The following TOX variants were observed in gnomAD, a reference collection of about 807,000 sequenced individuals.
The protein encoded by TOX is thymocyte selection-associated high mobility group box protein TOX.
Under a neutral mutation model 53.7 loss-of-function variants are expected in TOX, and 11 were observed. The ratio of observed to expected loss-of-function variants is 0.20; its 90% CI spans 0.13 to 0.34. TOX has a LOEUF of 0.34. Among genes scored for constraint, TOX ranks in the 10% least tolerant of loss-of-function variants. The pLI, the probability that TOX is intolerant of heterozygous loss-of-function variation, is 1.00. For missense variants in TOX, 570 were observed against 664.6 expected (o/e 0.86, Z 1.56); for synonymous variants, 225 against 245.3 (o/e 0.92, Z 0.77).
At chr8:59,014,365 T>C (rs1813970133) in intron 1 of TOX, among the ~76,000 whole-genome samples, 1 of 152,384 alleles carries the variant, frequency 6.6e-6, no homozygotes, top group South Asian at 2.1e-4. Context: ...CCAAATTCTC[T>C]TTATCTCTCA....
chr8:58,859,149 GTACTTTAAATAAACTTTA>G (rs1283158533), intron 3 of TOX, among the ~76,000 whole-genome samples: 1 of 152,018 alleles, frequency 6.6e-6, no homozygotes, highest in Admixed American at 6.5e-5. Context: ...GTAGAAATGT[GTACTTTAAATAAACTTTA>G]TTTTAAGATT....
At chr8:59,069,663 C>A (rs994898643) in intron 1 of TOX, among the ~76,000 whole-genome samples, 2 of 152,004 alleles carry the variant, frequency 1.3e-5, no homozygotes, top group Non-Finnish European at 2.9e-5. Context: ...TCAGAGATAG[C>A]GCCAAAATTT....
intron 1 of TOX, among the ~76,000 whole-genome samples, chr8:59,011,183 C>T (rs374972132): frequency 3.3e-5 from 5 of 152,200 alleles, no homozygotes; most frequent in African/African-American, 1.2e-4. Flanking sequence ...AGTAACTGGA[C>T]ATTGTTTAAC....
intron 5 of TOX, among the ~76,000 whole-genome samples, chr8:58,830,652 T>G (rs1466620540): frequency 6.6e-6 from 1 of 152,176 alleles, no homozygotes; most frequent in Admixed American, 6.6e-5. Context: ...ACCATTTAAT[T>G]CCTTCTTCCT....
intron 6 of TOX, among the ~76,000 whole-genome samples, chr8:58,822,420 C>T (rs16924032): frequency 0.044 from 6,625 of 152,292 alleles, 473 homozygotes; most frequent in African/African-American, 0.15. Flanking sequence ...TGGAGTCTGA[C>T]CAGCACTGTG....
chr8:59,111,798 C>A (rs1343082493), intron 1 of TOX, among the ~76,000 whole-genome samples: 1 of 152,170 alleles, frequency 6.6e-6, no homozygotes, highest in African/African-American at 2.4e-5. Flanking sequence ...TATCAACCAA[C>A]CATGGCCTCC....
intron 1 of TOX, among the ~76,000 whole-genome samples, chr8:58,997,977 A>G (rs927680828): frequency 6.6e-5 from 10 of 151,992 alleles, no homozygotes; most frequent in Non-Finnish European, 1.2e-4. Context: ...TATTTTTAGT[A>G]GAGACGGGTT....
intron 1 of TOX, among the ~76,000 whole-genome samples, chr8:59,039,551 T>C (rs1412976044): frequency 1.3e-5 from 2 of 152,184 alleles, no homozygotes; most frequent in Non-Finnish European, 1.5e-5. Flanking sequence ...TCCCAGCTGA[T>C]TTTCATGAAT....
At chr8:58,826,181 C>T (rs1006675713) in intron 6 of TOX, among the ~76,000 whole-genome samples, 2 of 152,184 alleles carry the variant, frequency 1.3e-5, no homozygotes, top group Non-Finnish European at 2.9e-5. Flanking sequence ...AACGCAGTAA[C>T]AGCCAATTTG....
chr8:59,062,254 G>T (rs1013351773), intron 1 of TOX, among the ~76,000 whole-genome samples: 1 of 152,142 alleles, frequency 6.6e-6, no homozygotes, highest in African/African-American at 2.4e-5. Flanking sequence ...TCCTAACTCC[G>T]CAGAGGCTGA....
chr8:58,980,581 T>A (rs557741163), intron 1 of TOX, among the ~76,000 whole-genome samples: 1 of 152,312 alleles, frequency 6.6e-6, no homozygotes, highest in East Asian at 1.9e-4. Flanking sequence ...ATTCATTGAT[T>A]GACTAATTAA....
intron 3 of TOX, among the ~76,000 whole-genome samples, chr8:58,863,980 A>ATT (rs11419799): frequency 2.6e-5 from 4 of 151,108 alleles, no homozygotes; most frequent in Admixed American, 6.6e-5. Context: ...AGAATTAAGA[A>ATT]TTTTTTTTTT....
At position 59,046,841 on chromosome 8, in the gene TOX, A is replaced by G. The variant is rs1803691642; in HGVS notation, c.102+72045T>C. 4.2e-5 allele frequency among the ~76,000 whole-genome samples: 6 copies of G among 142,182 alleles called. No homozygotes were observed. The South Asian group carries it at 1.5e-3, about 35-fold the overall frequency. 93.3% of individuals were successfully genotyped at this position (142,182 alleles called of 152,430 possible). On this transcript the variant is annotated intron_variant, in intron 1 of 8. Coordinates refer to ENST00000361421, the MANE Select transcript of TOX (RefSeq NM_014729.3). ...GCCACTGCACTCCAGCCTGGGAGACAGAGTGAGACTATGTCTCAAAAAAAA... is the reference window on the plus strand; with the variant it reads ...GCCACTGCACTCCAGCCTGGGAGACGGAGTGAGACTATGTCTCAAAAAAAA...
chr8:58,972,441 T>C lies in TOX; in HGVS notation c.103-12433A>G, dbSNP rs140731611. The stretch of plus-strand genomic sequence containing the variant: ...TCATTAAAATTGCTTCGGGCTAATT[T>C]ATTGTCATAAAAGAAAGATATCAGA... On this transcript the variant is annotated intron_variant, in intron 1 of 8. Transcript: ENST00000361421. Among the ~76,000 whole-genome samples the C allele has an allele frequency of 2.2e-3, 341 of 152,326 alleles. 2 individuals carry two copies. Among genetic ancestry groups the C allele is most frequent in the African/African-American group, 8.0e-3 (334 of 41,580 alleles).
chr8:58,934,257 G>A (rs1585909885), intron 3 of TOX, among the ~76,000 whole-genome samples: 1 of 152,084 alleles, frequency 6.6e-6, no homozygotes, highest in Admixed American at 6.5e-5. Flanking sequence ...CTAGTTGCAG[G>A]AATCCCTACT....
intron 3 of TOX, among the ~76,000 whole-genome samples, chr8:58,929,761 AT>A (rs1812229393): frequency 6.6e-6 from 1 of 152,000 alleles, no homozygotes; most frequent in Non-Finnish European, 1.5e-5. Context: ...TCATTTTGTA[AT>A]TAAAAAAATA....
intron 1 of TOX, among the ~76,000 whole-genome samples, chr8:58,969,017 G>T (rs1346548066): frequency 6.6e-6 from 1 of 152,140 alleles, no homozygotes; most frequent in African/African-American, 2.4e-5. Flanking sequence ...AGAAGGTACA[G>T]GTTATTAAGA....
intron 2 of TOX, among the ~76,000 whole-genome samples, chr8:58,952,030 G>A (rs1226332454): frequency 6.6e-6 from 1 of 152,108 alleles, no homozygotes; most frequent in Non-Finnish European, 1.5e-5. Context: ...TGTGTTTCTG[G>A]GAAGTCTAGC....
In TOX at chr8:58,941,545, T is replaced by C. The variant is rs554919349; in HGVS notation, c.169-2001A>G. Among the ~76,000 whole-genome samples, 8 of 152,314 alleles carry C rather than the reference T, an allele frequency of 5.3e-5. No individual in the cohort carries two copies. In the South Asian group the frequency reaches 8.3e-4, roughly 16 times the overall value. On this transcript the variant is annotated intron_variant, in intron 2 of 8. Transcript: ENST00000361421. ...GCTACTATCTTATTAGGTTGAATGA[T>C]ACAAAATTGCCAACACCCAACTGTT...
Sources: gnomAD v4.1 joint callset for allele counts (sites outside exome capture counted in the v4.1 genomes callset) on GRCh38, gnomAD v4.1.1 for gene constraint, MANE v1.5 for transcripts, NCBI Gene and HGNC (gene_info 2026-07-23, HGNC 2026-07-21) for gene names.